Variants in TMEM132C observed in about 807,000 individuals in gnomAD.
The protein encoded by TMEM132C is protein phosphatase 1, regulatory subunit 152.
A neutral mutation model predicts 61.4 loss-of-function variants in TMEM132C; 29 were observed. The ratio of observed to expected loss-of-function variants is 0.47; its 90% CI spans 0.35 to 0.64. The LOEUF is 0.64. Among genes scored for constraint, TMEM132C ranks in the 30% least tolerant of loss-of-function variants. TMEM132C has a pLI of 0.00. For synonymous variants in TMEM132C, 656 were observed against 633.1 expected (o/e 1.04, Z -0.54); for missense variants, 1,408 against 1,476.9 (o/e 0.95, Z 0.76).
At chr12:128,495,662 T>C (rs2136104331) in intron 2 of TMEM132C, among the ~76,000 whole-genome samples, 1 of 152,208 alleles carries the variant, frequency 6.6e-6, no homozygotes, top group East Asian at 1.9e-4. Flanking sequence ...AACCCCTGCC[T>C]TTTTTTGTTT....
intron 2 of TMEM132C, among the ~76,000 whole-genome samples, chr12:128,505,521 A>G (rs1872326645): frequency 1.3e-5 from 2 of 152,288 alleles, no homozygotes; most frequent in East Asian, 1.9e-4. Flanking sequence ...ACCCACCCCC[A>G]TGGAGGAGAA....
chr12:128,369,251 T>A (rs1565915059), intron 1 of TMEM132C, among the ~76,000 whole-genome samples: 1 of 152,232 alleles, frequency 6.6e-6, no homozygotes. Context: ...ATCTCATTGA[T>A]ACTTAAAATG....
At chr12:128,522,548 T>C (rs749470690) in intron 2 of TMEM132C, among the ~76,000 whole-genome samples, 22 of 152,354 alleles carry the variant, frequency 1.4e-4, no homozygotes, top group Non-Finnish European at 3.2e-4. Context: ...ACCTTCATCA[T>C]TGGTTAGTGA....
chr12:128,328,526 C>T (rs1872588413), intron 1 of TMEM132C, among the ~76,000 whole-genome samples: 2 of 152,224 alleles, frequency 1.3e-5, no homozygotes, highest in South Asian at 4.2e-4. Flanking sequence ...CAGTGGCTCA[C>T]GCCTGTAATC....
intron 4 of TMEM132C, among the ~76,000 whole-genome samples, chr12:128,637,315 T>C (rs1954111935): frequency 6.6e-6 from 1 of 152,210 alleles, no homozygotes; most frequent in South Asian, 2.1e-4. Context: ...CCGAAAGCTC[T>C]GTATGGTAGC....
At chr12:128,283,456 G>A (rs535922691) in intron 1 of TMEM132C, among the ~76,000 whole-genome samples, 1 of 152,076 alleles carries the variant, frequency 6.6e-6, no homozygotes, top group South Asian at 2.1e-4. Flanking sequence ...GGAAATCATT[G>A]TGCACACATT....
At chr12:128,500,086 G>C (rs1872108521) in intron 2 of TMEM132C, among the ~76,000 whole-genome samples, 1 of 152,254 alleles carries the variant, frequency 6.6e-6, no homozygotes, top group East Asian at 1.9e-4. Flanking sequence ...AAGAGTGAGT[G>C]TCAAGACAAT....
chr12:128,291,114 G>A (rs1180246299), intron 1 of TMEM132C, among the ~76,000 whole-genome samples: 1 of 152,162 alleles, frequency 6.6e-6, no homozygotes, highest in Non-Finnish European at 1.5e-5. Flanking sequence ...GACCCGAGCA[G>A]CACAGGAATC....
At chr12:128,519,796 TA>T (rs916802451) in intron 2 of TMEM132C, among the ~76,000 whole-genome samples, 1 of 152,202 alleles carries the variant, frequency 6.6e-6, no homozygotes, top group African/African-American at 2.4e-5. Context: ...GGTTGGCAGT[TA>T]GTGAGACCCC....
chr12:128,567,600 TA>T (rs1435249421), intron 3 of TMEM132C, among the ~76,000 whole-genome samples: 1 of 151,542 alleles, frequency 6.6e-6, no homozygotes, highest in East Asian at 1.9e-4. Flanking sequence ...TATATCTCTA[TA>T]AAGCTGAGGA....
In TMEM132C at chr12:128,669,446, C is replaced by T. The variant is rs1467654123; in HGVS notation, c.1335C>T (p.Leu445=). 2.6e-6 allele frequency: 4 copies of T among 1,551,608 alleles called. No homozygotes were observed. In the Admixed American group the frequency reaches 5.9e-5, roughly 23 times the overall value. ...MDTEILNTAV[L]TGKTVAMPIK... is the part of the protein sequence containing the mutation. ...CTGAAATTCTGAACACCGCCGTACT[C>T]ACAGGAAAGACAGTTGCCATGCCTA... The change falls in exon 5 of 9, where the codon CTC becomes CTT. Residue 445 remains leucine (L), a synonymous_variant. Coordinates refer to ENST00000435159, the MANE Select transcript of TMEM132C (RefSeq NM_001136103.3).
At chr12:128,600,201 C>A (rs1876130559) in intron 3 of TMEM132C, among the ~76,000 whole-genome samples, 1 of 152,120 alleles carries the variant, frequency 6.6e-6, no homozygotes, top group South Asian at 2.1e-4. Context: ...CCAGGATGGT[C>A]TAGATCTCCT....
intron 2 of TMEM132C, among the ~76,000 whole-genome samples, chr12:128,530,591 G>C (rs1007955895): frequency 6.6e-6 from 1 of 152,034 alleles, no homozygotes; most frequent in Non-Finnish European, 1.5e-5. Context: ...TTACAAGCAT[G>C]TGCCACCACG....
At chr12:128,308,887 C>G (rs1871876117) in intron 1 of TMEM132C, among the ~76,000 whole-genome samples, 1 of 152,204 alleles carries the variant, frequency 6.6e-6, no homozygotes, top group African/African-American at 2.4e-5. Context: ...GTTACCTTCT[C>G]TCCCTTGGTT....
At chr12:128,691,867 G>A (rs898021913) in intron 5 of TMEM132C, among the ~76,000 whole-genome samples, 29 of 150,940 alleles carry the variant, frequency 1.9e-4, no homozygotes, top group Admixed American at 1.1e-3. Context: ...CCATTCACCT[G>A]TCCACCCATC....
At chr12:128,494,301 C>G (rs550284010) in intron 2 of TMEM132C, among the ~76,000 whole-genome samples, 15 of 152,290 alleles carry the variant, frequency 9.8e-5, no homozygotes, top group African/African-American at 3.4e-4. Context: ...GGATATTGGT[C>G]TAAAATTCTC....
chr12:128,683,208 G>T (rs1954649349), intron 5 of TMEM132C, among the ~76,000 whole-genome samples: 1 of 152,130 alleles, frequency 6.6e-6, no homozygotes, highest in African/African-American at 2.4e-5. Flanking sequence ...TGTTCTGTCT[G>T]CCCGGCCCTC....
At chr12:128,507,667 C>T (rs1386264265) in intron 2 of TMEM132C, among the ~76,000 whole-genome samples, 1 of 152,014 alleles carries the variant, frequency 6.6e-6, no homozygotes, top group African/African-American at 2.4e-5. Flanking sequence ...GTCATCAAAT[C>T]GTTTAAACGT....
intron 2 of TMEM132C, among the ~76,000 whole-genome samples, chr12:128,512,946 A>G (rs1001387452): frequency 1.3e-5 from 2 of 152,330 alleles, no homozygotes; most frequent in African/African-American, 4.8e-5. Context: ...TATATGGAAC[A>G]TAGATCTCAG....
Sources: gnomAD v4.1 joint callset for allele counts (sites outside exome capture counted in the v4.1 genomes callset) on GRCh38, gnomAD v4.1.1 for gene constraint, MANE v1.5 for transcripts, NCBI Gene and HGNC (gene_info 2026-07-23, HGNC 2026-07-21) for gene names.